Variants in ERBB4 observed in about 807,000 individuals in gnomAD.
The protein encoded by ERBB4 is erb-b2 receptor tyrosine kinase 4.
A neutral mutation model predicts 158.0 loss-of-function variants in ERBB4; 42 were observed. The ratio of observed to expected loss-of-function variants is 0.27; its 90% CI spans 0.21 to 0.34. ERBB4 has a LOEUF of 0.34. Ranked by LOEUF, ERBB4 falls within the 10% of genes least tolerant of loss-of-function variation. The pLI is 1.00. For synonymous variants in ERBB4, 583 were observed against 558.7 expected, an observed-to-expected ratio of 1.04 and a Z score of -0.61; for missense variants, 1,333 against 1,624.1, an observed-to-expected ratio of 0.82 and a Z score of 3.08.
intron 20 of ERBB4, among the ~76,000 whole-genome samples, chr2:211,522,319 T>C (rs2066209249): frequency 6.6e-6 from 1 of 152,150 alleles, no homozygotes; most frequent in Non-Finnish European, 1.5e-5. Flanking sequence ...AAAGTAACTG[T>C]ATATAAATGT....
intron 20 of ERBB4, among the ~76,000 whole-genome samples, chr2:211,551,753 C>T (rs921177139): frequency 6.6e-6 from 1 of 152,118 alleles, no homozygotes; most frequent in East Asian, 1.9e-4. Flanking sequence ...AATGTCAGCA[C>T]CCAGTTCAAG....
chr2:212,191,674 GCGTGTGTTATACATGTTACATATAACA>G lies in ERBB4; in HGVS notation c.83-66798_83-66772del, dbSNP rs1337029089. Among the ~76,000 whole-genome samples the G allele has an allele frequency of 3.2e-5, 4 of 124,102 alleles. No homozygotes were observed. In the East Asian group the frequency reaches 6.2e-4, roughly 19 times the overall value. 81.4% of individuals were successfully genotyped at this position (124,102 alleles called of 152,430 possible). A position where few individuals can be genotyped will look rare whatever the true frequency, so the allele number is the denominator to read the frequency against. ...ACATGCGTTATACATGTCATATATCGCGTGTGTTATACATGTTACATATAACACGTGTTATACATGTTACATATAACA... is the reference window on the plus strand; with the variant it reads ...ACATGCGTTATACATGTCATATATCGCGTGTTATACATGTTACATATAACA... On this transcript the variant is annotated intron_variant, in intron 1 of 27. Coordinates refer to ENST00000342788, the MANE Select transcript of ERBB4 (RefSeq NM_005235.3).
intron 5 of ERBB4, among the ~76,000 whole-genome samples, chr2:211,749,403 C>G (rs1235085674): frequency 6.6e-6 from 1 of 152,102 alleles, no homozygotes; most frequent in East Asian, 1.9e-4. Context: ...GGGGTGAGTG[C>G]TTATATACAT....
chr2:212,431,559 T>C (rs955675654), intron 1 of ERBB4, among the ~76,000 whole-genome samples: 4 of 152,100 alleles, frequency 2.6e-5, no homozygotes, highest in African/African-American at 4.8e-5. Flanking sequence ...GTAATCCTCA[T>C]TGAATGTATA....
rs147235318 is a variant in ERBB4 at position 212,368,830 on chromosome 2, C to T, written c.82+169619G>A. Reference sequence around the variant, plus strand: ...GGGAGATATGGCCTATTCTCCACACCTGAGTTGGAAGACATATGAGCTCGG... The same window carrying T: ...GGGAGATATGGCCTATTCTCCACACTTGAGTTGGAAGACATATGAGCTCGG... On this transcript the variant is annotated intron_variant, in intron 1 of 27. Transcript: ENST00000342788. Among the ~76,000 whole-genome samples, 72 of 152,206 alleles carry T rather than the reference C, an allele frequency of 4.7e-4. No homozygotes were observed. The Middle Eastern group carries it at 0.014, about 29-fold the overall frequency.
At position 211,707,064 on chromosome 2, in the gene ERBB4, G is replaced by A. The variant is rs576549227; in HGVS notation, c.1125-1673C>T. ...TTGATGAAAAGCAGAGTATAGGACA[G>A]CTCAGGTCGTATAATCAAATATCTT... On this transcript the variant is annotated intron_variant, in intron 9 of 27. Coordinates refer to ENST00000342788, the MANE Select transcript of ERBB4 (RefSeq NM_005235.3). Among the ~76,000 whole-genome samples, 8 of 152,266 alleles carry A rather than the reference G, an allele frequency of 5.3e-5. No individual in the cohort carries two copies. The South Asian group carries it at 1.7e-3, about 32-fold the overall frequency.
chr2:212,498,091 T>C (rs1175521668), intron 1 of ERBB4, among the ~76,000 whole-genome samples: 2 of 151,702 alleles, frequency 1.3e-5, no homozygotes, highest in Non-Finnish European at 2.9e-5. Context: ...ACAAAAGCCT[T>C]TCTATTGTGT....
chr2:212,195,611 A>G (rs62182580), intron 1 of ERBB4, among the ~76,000 whole-genome samples: 24,894 of 152,074 alleles, frequency 0.16, 2,446 homozygotes, highest in Non-Finnish European at 0.22. Flanking sequence ...TCTCTGGAAC[A>G]TAATTTTTAA....
At chr2:212,318,675 G>C (rs1037462469) in intron 1 of ERBB4, among the ~76,000 whole-genome samples, 1 of 151,578 alleles carries the variant, frequency 6.6e-6, no homozygotes, top group African/African-American at 2.4e-5. Flanking sequence ...GATTGGAGTT[G>C]AGAGAGTTGC....
chr2:211,717,116 C>CA (rs934109043), intron 7 of ERBB4, among the ~76,000 whole-genome samples: 5 of 151,914 alleles, frequency 3.3e-5, no homozygotes, highest in Non-Finnish European at 5.9e-5. Context: ...GGGAAAGCAC[C>CA]AAAAAAACTC....
At chr2:212,499,519 G>C (rs987789936) in intron 1 of ERBB4, among the ~76,000 whole-genome samples, 1 of 152,070 alleles carries the variant, frequency 6.6e-6, no homozygotes, top group Admixed American at 6.6e-5. Context: ...AGAATATTTA[G>C]TCAGCAACAG....
At chr2:212,168,800 T>TA (rs1275280109) in intron 1 of ERBB4, among the ~76,000 whole-genome samples, 1 of 152,162 alleles carries the variant, frequency 6.6e-6, no homozygotes, top group Non-Finnish European at 1.5e-5. Flanking sequence ...CTTGTGCTGC[T>TA]AATGAGGCCC....
intron 19 of ERBB4, among the ~76,000 whole-genome samples, chr2:211,567,649 C>CA (rs35019557): frequency 1.3e-5 from 2 of 151,874 alleles, no homozygotes; most frequent in African/African-American, 2.4e-5. Flanking sequence ...TAAGTCCTGG[C>CA]AAAAAAGCTG....
chr2:212,178,818 C>A (rs1183460699), intron 1 of ERBB4, among the ~76,000 whole-genome samples: 1 of 150,838 alleles, frequency 6.6e-6, no homozygotes, highest in Non-Finnish European at 1.5e-5. Flanking sequence ...CAAAACATTA[C>A]AATAATTTAA....
chr2:211,929,786 T>A (rs2125096086), intron 3 of ERBB4, among the ~76,000 whole-genome samples: 1 of 152,322 alleles, frequency 6.6e-6, no homozygotes, highest in East Asian at 1.9e-4. Flanking sequence ...TAGTTAGATA[T>A]TATACTCATA....
chr2:211,582,269 T>G (rs2068127886), intron 19 of ERBB4, among the ~76,000 whole-genome samples: 1 of 152,210 alleles, frequency 6.6e-6, no homozygotes, highest in Admixed American at 6.5e-5. Flanking sequence ...TAATTGTTAT[T>G]GCTTTGTTTT....
chr2:212,054,373 T>G (rs1330770723), intron 2 of ERBB4, among the ~76,000 whole-genome samples: 1 of 152,160 alleles, frequency 6.6e-6, no homozygotes, highest in Non-Finnish European at 1.5e-5. Flanking sequence ...AGAAGAGGTC[T>G]GGGACCATTT....
chr2:211,728,121 T>A (rs1460931459), intron 5 of ERBB4, among the ~76,000 whole-genome samples: 2 of 152,030 alleles, frequency 1.3e-5, no homozygotes, highest in East Asian at 3.9e-4. Flanking sequence ...CCCTGTTTAA[T>A]ACTGAATTTT....
chr2:212,187,027 C>T (rs1427602411), intron 1 of ERBB4, among the ~76,000 whole-genome samples: 1 of 151,978 alleles, frequency 6.6e-6, no homozygotes, highest in Non-Finnish European at 1.5e-5. Context: ...TTTTCCTCTG[C>T]CTTAGACTAA....
Sources: allele counts gnomAD v4.1 joint callset (sites outside exome capture counted in the v4.1 genomes callset), GRCh38; gene constraint gnomAD v4.1.1; transcripts MANE v1.5; gene names NCBI Gene and HGNC (gene_info 2026-07-23, HGNC 2026-07-21).